Variants in DDX20 observed in about 807,000 individuals in gnomAD.
DDX20 encodes probable ATP-dependent RNA helicase DDX20.
A neutral mutation model predicts 76.4 loss-of-function variants in DDX20; 61 were observed. That is an observed-to-expected ratio of 0.80 (90% CI 0.65 to 0.99). DDX20 has a LOEUF of 0.99. Among genes scored for constraint, DDX20 ranks in the 50% least tolerant of loss-of-function variants. DDX20 has a pLI of 0.00. For synonymous variants in DDX20, 357 were observed against 357.4 expected, an observed-to-expected ratio of 1.00 and a Z score of 0.01; for missense variants, 976 against 996.8, an observed-to-expected ratio of 0.98 and a Z score of 0.28.
chr1:111,762,487 T>C (rs1272138260), intron 8 of DDX20, 150 bp downstream of exon 8: 3 of 848,254 alleles, frequency 3.5e-6, no homozygotes, highest in Non-Finnish European at 5.4e-6. Context: ...AAATACTTTC[T>C]TAAAAATGTC....
At chr1:111,763,928 C>T (rs148470873) in intron 10 of DDX20, among the ~76,000 whole-genome samples, 20 of 152,164 alleles carry the variant, frequency 1.3e-4, no homozygotes, top group East Asian at 3.9e-4. Flanking sequence ...GCATTTTTGA[C>T]GTGCATGTTA....
rs1663545641 is a variant in DDX20 at position 111,756,145 on chromosome 1, T to A, written c.221T>A (p.Leu74Gln). ...FESLLLSRPV[L>Q]EGLRAAGFER... ...TCACTGCTGCTTTCGCGGCCGGTGC[T>A]GGAGGGGCTGCGGGCGGCCGGCTTC... Residue 74 changes from leucine (L) to glutamine (Q), a missense_variant, in exon 1 of 11, where the codon CTG (leucine) becomes CAG (glutamine). Leu to Gln is a moderately radical substitution (Grantham distance 113). Coordinates refer to ENST00000369702, the MANE Select transcript of DDX20 (RefSeq NM_007204.5). The A allele has an allele frequency of 1.3e-6, 2 of 1,570,366 alleles. No individual in the cohort carries two copies. The highest frequency in any genetic ancestry group is 2.7e-5 in the African/African-American group (2 of 74,056).
intron 10 of DDX20, among the ~76,000 whole-genome samples, chr1:111,763,717 C>T (rs910817516): frequency 3.9e-5 from 6 of 152,140 alleles, no homozygotes; most frequent in African/African-American, 1.2e-4. Flanking sequence ...GCCATATTCT[C>T]CTTTGTCACC....
Position 111,766,390 on chromosome 1 carries a change from A to G in DDX20, c.1966A>G (p.Ser656Gly), listed in dbSNP as rs538663700. 7 of 1,614,218 alleles carry G rather than the reference A, an allele frequency of 4.3e-6. No individual in the cohort carries two copies. In the Admixed American group the frequency reaches 8.3e-5, roughly 19 times the overall value. ...SSQSGDSESD[S>G]DSYSSRTSSQ... ...CCAATCTGGAGACTCTGAGAGTGAC[A>G]GTGATTCTTACAGCTCAAGAACCTC... is the stretch of plus-strand genomic sequence containing the variant. Residue 656 changes from serine to glycine, a missense_variant, in exon 11 of 11, where the codon AGT becomes GGT. Around this residue, in one of 3 missense-constraint regions of DDX20, gnomAD observed 630 missense variants for 693.7 expected, o/e 0.91. Coordinates refer to ENST00000369702, the MANE Select transcript of DDX20 (RefSeq NM_007204.5).
rs147000193 is a variant in DDX20, at chr1:111,761,064, C to T, written c.901C>T (p.Gln301Ter). The change falls in exon 6 of 11, where the codon CAG becomes TAG. Residue 301 changes from glutamine (Q) to a stop codon, truncating the protein, a stop_gained. Transcript: ENST00000369702. LOFTEE classifies it high-confidence loss of function. ...TTTTGAGGAAAAGACTCAGCATTTA[C>T]AGGAACTGTTCAGCAGAATTCCATT... Reference protein sequence around the residue: ...KVFEEKTQHLQELFSRIPFNQ... With the variant: ...KVFEEKTQHL The T allele has an allele frequency of 1.2e-6, 2 of 1,613,830 alleles. No homozygotes were observed. The highest frequency in any genetic ancestry group is 1.3e-5 in the African/African-American group (1 of 74,920).
chr1:111,760,289 A>G (rs1663645507), intron 3 of DDX20, 185 bp from the exon 4 acceptor site: 3 of 482,120 alleles, frequency 6.2e-6, no homozygotes, highest in African/African-American at 2.0e-5. Flanking sequence ...GGGGAAAACA[A>G]TGAGTTTAGT....
Position 111,755,943 on chromosome 1 carries a change from G to C in DDX20, c.19G>C (p.Ala7Pro). 1 of 1,578,464 alleles carries C rather than the reference G, an allele frequency of 6.3e-7. No individual in the cohort carries two copies. The highest frequency in any genetic ancestry group is 1.1e-5 in the South Asian group (1 of 87,902). Reference protein sequence around the residue: MAAAFEASGALAAVATA... With the variant: MAAAFEPSGALAAVATA... ...GGCTACCATGGCGGCGGCATTTGAAGCCTCGGGAGCCTTAGCAGCAGTGGC... is the reference window on the plus strand; with the variant it reads ...GGCTACCATGGCGGCGGCATTTGAACCCTCGGGAGCCTTAGCAGCAGTGGC... The change falls in exon 1 of 11, where the codon GCC becomes CCC. Residue 7 changes from alanine to proline, a missense_variant. Coordinates refer to ENST00000369702, the MANE Select transcript of DDX20 (RefSeq NM_007204.5).
Position 111,759,406 on chromosome 1 carries a change from A to T in DDX20, c.403A>T (p.Ile135Phe), listed in dbSNP as rs1282446591. Residue 135 changes from isoleucine to phenylalanine, a missense_variant, in exon 3 of 11, where the codon ATC becomes TTC. By Grantham distance (21) the Ile-to-Phe change is conservative. This residue lies in a region of DDX20 where 343 missense variants were observed against 286.4 expected (regional missense o/e 1.20). Transcript: ENST00000369702. ...ATTTATGGTTTTTTTTTAGATTTTG[A>T]TCTTGGCTCCTACAAGAGAAATTGC... is the stretch of plus-strand genomic sequence containing the variant. The part of the protein sequence containing the change: ...VLENLSTQIL[I>F]LAPTREIAVQ... 3 of 1,597,144 alleles carry T rather than the reference A, an allele frequency of 1.9e-6. No homozygotes were observed. In the Admixed American group the frequency reaches 5.4e-5, roughly 29 times the overall value.
chr1:111,763,026 A>G lies in DDX20; in HGVS notation c.1312+19A>G, dbSNP rs1663707732. ...TTACCAGGTACATTTCATCTGTTTC[A>G]TTATTTCAAAATAATTATAGTGGTG... On this transcript the variant is annotated intron_variant, in intron 10 of 10. Transcript: ENST00000369702. 2 of 1,558,452 alleles carry G rather than the reference A, an allele frequency of 1.3e-6. No homozygotes were observed. The highest frequency in any genetic ancestry group is 1.8e-6 in the Non-Finnish European group (2 of 1,130,964).
chr1:111,762,138 G>C, intron 7 of DDX20, 117 bp from the exon 8 acceptor site: 1 of 689,486 alleles, frequency 1.5e-6, no homozygotes, highest in East Asian at 2.7e-5. Flanking sequence ...AGAATTAACT[G>C]TGGTTGGTGT....
At chr1:111,757,337 C>T (rs1663582851) in intron 2 of DDX20, among the ~76,000 whole-genome samples, 2 of 152,184 alleles carry the variant, frequency 1.3e-5, no homozygotes, top group South Asian at 4.1e-4. Context: ...AGGCATGAGC[C>T]ACCACAGCCG....
At chr1:111,763,298 G>A (rs988366415) in intron 10 of DDX20, among the ~76,000 whole-genome samples, 6 of 152,186 alleles carry the variant, frequency 3.9e-5, no homozygotes, top group African/African-American at 9.7e-5. Context: ...CTGGCTAGGC[G>A]CAGTGGCTCA....
In DDX20 at chr1:111,767,829, T is replaced by G. The variant is rs1663813721; in HGVS notation, c.*930T>G. On this transcript the variant is annotated 3_prime_UTR_variant, in exon 11 of 11. Coordinates refer to ENST00000369702, the MANE Select transcript of DDX20 (RefSeq NM_007204.5). ...GTTCTAGCTCTTAGTTTTAAGTATT[T>G]TGTGGAAGCTGGAATTGATTCTCTT... 6.6e-6 allele frequency: 1 copy of G among 152,202 alleles called. No homozygotes were observed. Among genetic ancestry groups the G allele is most frequent in the Non-Finnish European group, 1.5e-5 (1 of 68,028 alleles). The allele number at this position is 152,202 out of a possible 1,614,324, so 9.4% of individuals were successfully genotyped here. A position where few individuals can be genotyped will look rare whatever the true frequency, so the allele number is the denominator to read the frequency against.
intron 1 of DDX20, 37 bp downstream of exon 1, chr1:111,756,262 G>A: frequency 1.6e-6 from 2 of 1,250,794 alleles, no homozygotes; most frequent in Non-Finnish European, 1.0e-6. Context: ...GGGGGGTGGG[G>A]TGGGAGAAGG....
At chr1:111,759,069 C>T (rs560775713) in intron 2 of DDX20, among the ~76,000 whole-genome samples, 1 of 152,222 alleles carries the variant, frequency 6.6e-6, no homozygotes, top group African/African-American at 2.4e-5. Context: ...AACAAAAATA[C>T]GGTGTAACCA....
In DDX20 at chr1:111,761,077, G is replaced by T; in HGVS notation, c.914G>T (p.Ser305Ile). ...EKTQHLQELF[S>I]RIPFNQALVF... ...ACTCAGCATTTACAGGAACTGTTCA[G>T]CAGAATTCCATTTAATCAAGCTTTA... Residue 305 changes from serine to isoleucine, a missense_variant, in exon 6 of 11, where the codon AGC (serine) becomes ATC (isoleucine). By Grantham distance (142) the Ser-to-Ile change is moderately radical (BLOSUM62 -2). Coordinates refer to ENST00000369702, the MANE Select transcript of DDX20 (RefSeq NM_007204.5). The T allele has an allele frequency of 1.2e-6, 2 of 1,613,964 alleles. No individual in the cohort carries two copies. Among genetic ancestry groups the T allele is most frequent in the Non-Finnish European group, 1.7e-6 (2 of 1,179,924 alleles).
In DDX20 at chr1:111,756,070, C is replaced by T; in HGVS notation, c.146C>T (p.Pro49Leu). 1.2e-6 allele frequency: 2 copies of T among 1,607,230 alleles called. No individual in the cohort carries two copies. Among genetic ancestry groups the T allele is most frequent in the Non-Finnish European group, 1.7e-6 (2 of 1,179,262 alleles). ...ILRTAQDLSS[P>L]RTRTGDVLLA... Reference sequence around the variant, plus strand: ...CGGACCGCTCAGGATCTCAGCAGCCCGCGGACCCGCACGGGGGATGTGCTG... The same window carrying T: ...CGGACCGCTCAGGATCTCAGCAGCCTGCGGACCCGCACGGGGGATGTGCTG... Residue 49 changes from proline (P) to leucine (L), a missense_variant, in exon 1 of 11, where the codon CCG (proline) becomes CTG (leucine). Physicochemically the swap from Pro to Leu is moderately conservative, Grantham distance 98. Around this residue, in one of 3 missense-constraint regions of DDX20, gnomAD observed 343 missense variants for 286.4 expected, o/e 1.20. Transcript: ENST00000369702.
chr1:111,761,364 T>A (rs926930744), intron 7 of DDX20, 80 bp downstream of exon 7: 1 of 1,164,748 alleles, frequency 8.6e-7, no homozygotes, highest in African/African-American at 1.5e-5. Context: ...AATACCACTT[T>A]ATGAGTTGTC....
chr1:111,767,015 G>T lies in DDX20; in HGVS notation c.*116G>T, dbSNP rs1220606572. The T allele has an allele frequency of 3.9e-6, 3 of 772,226 alleles. No individual in the cohort carries two copies. The highest frequency in any genetic ancestry group is 6.0e-6 in the Non-Finnish European group (3 of 500,622). 47.8% of individuals were successfully genotyped at this position (772,226 alleles called of 1,614,324 possible). A position where few individuals can be genotyped will look rare whatever the true frequency, so the allele number is the denominator to read the frequency against. ...GTGGCATTTCTGATAAACTTGAAAA[G>T]ACTTGAGTCTTTCCACTGGGACACA... is the stretch of plus-strand genomic sequence containing the variant. On this transcript the variant is annotated 3_prime_UTR_variant, in exon 11 of 11. Transcript: ENST00000369702.
Sources: gnomAD v4.1 joint callset for allele counts (sites outside exome capture counted in the v4.1 genomes callset) on GRCh38, gnomAD v4.1.1 for gene constraint, gnomAD v4.1.1 regional missense constraint, MANE v1.5 for transcripts, NCBI Gene and HGNC (gene_info 2026-07-23, HGNC 2026-07-21) for gene names.